Variants in MIER1 observed in about 807,000 individuals in gnomAD.
MIER1 encodes the protein MIER1 transcriptional regulator.
In MIER1, 40 loss-of-function variants were observed where a neutral mutation model predicts 75.7. The ratio of observed to expected loss-of-function variants is 0.53; its 90% CI spans 0.41 to 0.69. The LOEUF (loss-of-function observed/expected upper bound fraction) is 0.69, where lower values mean the gene tolerates loss of function less well. Among genes scored for constraint, MIER1 ranks in the 30% least tolerant of loss-of-function variants. MIER1 has a pLI of 0.00. For missense variants in MIER1, 574 were observed against 680.2 expected, an observed-to-expected ratio of 0.84 and a Z score of 1.74; for synonymous variants, 213 against 223.4, an observed-to-expected ratio of 0.95 and a Z score of 0.42.
intron 7 of MIER1, among the ~76,000 whole-genome samples, chr1:66,961,491 A>G (rs1178503073): frequency 1.3e-5 from 2 of 152,212 alleles, no homozygotes; most frequent in Non-Finnish European, 2.9e-5. Flanking sequence ...TCCCTGTACT[A>G]CCGAACAAAT....
At chr1:66,982,951 T>G (rs77171295) in intron 13 of MIER1, among the ~76,000 whole-genome samples, 2,453 of 152,350 alleles carry the variant, frequency 0.016, 70 homozygotes, top group African/African-American at 0.057. Flanking sequence ...ACTAACCGTA[T>G]AGGCTCAAGG....
At chr1:66,974,353 G>A (rs916848791) in intron 11 of MIER1, among the ~76,000 whole-genome samples, 4 of 151,922 alleles carry the variant, frequency 2.6e-5, no homozygotes, top group South Asian at 2.1e-4. Context: ...GTGACTGGCC[G>A]TGTATGTTTT....
chr1:66,963,056 C>G (rs918918602), intron 7 of MIER1, 32 bp from the exon 8 acceptor site: 1 of 1,415,262 alleles, frequency 7.1e-7, no homozygotes, highest in African/African-American at 1.4e-5. Context: ...GTTACTAGAT[C>G]TTACTAATGT....
intron 2 of MIER1, among the ~76,000 whole-genome samples, chr1:66,927,122 G>A (rs1269393959): frequency 6.6e-6 from 1 of 152,100 alleles, no homozygotes; most frequent in Non-Finnish European, 1.5e-5. Context: ...GCGCCTTATA[G>A]CCTCTATAGA....
chr1:66,926,687 TG>T (rs1651877830), intron 2 of MIER1, among the ~76,000 whole-genome samples: 1 of 152,152 alleles, frequency 6.6e-6, no homozygotes, highest in South Asian at 2.1e-4. Context: ...CATAAAGACA[TG>T]GTGTAGGCTG....
intron 12 of MIER1, among the ~76,000 whole-genome samples, chr1:66,977,131 T>C (rs886360341): frequency 2.6e-5 from 4 of 151,620 alleles, no homozygotes; most frequent in African/African-American, 7.3e-5. Context: ...TTTTTTGAGA[T>C]GTAGTCTCAA....
chr1:66,959,141 G>A (rs937692469), intron 6 of MIER1, among the ~76,000 whole-genome samples, 158 bp downstream of exon 6: 2 of 152,004 alleles, frequency 1.3e-5, no homozygotes, highest in Admixed American at 6.5e-5. Context: ...AGCAATGCAG[G>A]GTCCCTGTTG....
At chr1:66,960,430 T>G (rs1216062767) in intron 7 of MIER1, among the ~76,000 whole-genome samples, 1 of 152,184 alleles carries the variant, frequency 6.6e-6, no homozygotes, top group East Asian at 1.9e-4. Flanking sequence ...TATAAAATTA[T>G]ATAGCATATA....
chr1:66,973,860 A>G (rs1664172123), intron 11 of MIER1, among the ~76,000 whole-genome samples: 1 of 152,068 alleles, frequency 6.6e-6, no homozygotes, highest in South Asian at 2.1e-4. Context: ...GATAGCTTCT[A>G]AGTTTTGTGT....
intron 3 of MIER1, among the ~76,000 whole-genome samples, chr1:66,942,247 T>A (rs1656423172): frequency 6.6e-6 from 1 of 152,212 alleles, no homozygotes; most frequent in Non-Finnish European, 1.5e-5. Context: ...TTGTAGCATC[T>A]GTACTTTGCA....
chr1:66,987,615 A>T lies in MIER1; in HGVS notation c.*2715A>T, dbSNP rs1372620529. On this transcript the variant is annotated 3_prime_UTR_variant, in exon 14 of 14. Coordinates refer to ENST00000401041, the MANE Select transcript of MIER1 (RefSeq NM_001077700.3). The stretch of plus-strand genomic sequence containing the variant: ...CACTGTAAAATAATTCCCTTCTCCC[A>T]TTCCTTGTCTGCCATTCTGAATATG... 6.6e-6 allele frequency: 1 copy of T among 152,584 alleles called. No homozygotes were observed. The highest frequency in any genetic ancestry group is 1.5e-5 in the Non-Finnish European group (1 of 68,000). 9.5% of individuals were successfully genotyped at this position (152,584 alleles called of 1,614,324 possible).
At chr1:66,937,386 A>T (rs1332982379) in intron 2 of MIER1, among the ~76,000 whole-genome samples, 1 of 152,200 alleles carries the variant, frequency 6.6e-6, no homozygotes, top group African/African-American at 2.4e-5. Context: ...CAGGAGTTCG[A>T]GACCAGCCTG....
chr1:66,948,925 G>T (rs923228456), intron 4 of MIER1, among the ~76,000 whole-genome samples: 4 of 152,134 alleles, frequency 2.6e-5, no homozygotes, highest in Non-Finnish European at 5.9e-5. Flanking sequence ...ATTTTTCAGA[G>T]ACTGTGTGTC....
intron 12 of MIER1, among the ~76,000 whole-genome samples, chr1:66,978,026 A>G (rs12749413): frequency 1.6e-4 from 24 of 152,022 alleles, no homozygotes; most frequent in African/African-American, 5.5e-4. Flanking sequence ...GTGAAACCCC[A>G]TATCTACTAA....
At chr1:66,936,792 A>C (rs1654959736) in intron 2 of MIER1, among the ~76,000 whole-genome samples, 3 of 151,650 alleles carry the variant, frequency 2.0e-5, no homozygotes, top group African/African-American at 7.3e-5. Flanking sequence ...CGAGGTCAGG[A>C]GATCGAGACC....
Position 66,988,330 on chromosome 1 carries a change from C to A in MIER1, c.*3430C>A, listed in dbSNP as rs1410798302. On this transcript the variant is annotated 3_prime_UTR_variant, in exon 14 of 14. Coordinates refer to ENST00000401041, the MANE Select transcript of MIER1 (RefSeq NM_001077700.3). The stretch of plus-strand genomic sequence containing the variant: ...CAACTTTTTACCGTAAAAATTAACT[C>A]TCTTCTTTAATATCAAGTTCATCCT... The A allele has an allele frequency of 6.6e-6, 1 of 152,182 alleles. No individual in the cohort carries two copies. The highest frequency in any genetic ancestry group is 1.5e-5 in the Non-Finnish European group (1 of 67,926). 9.4% of individuals were successfully genotyped at this position (152,182 alleles called of 1,614,324 possible).
At chr1:66,958,341 T>G (rs892642745) in intron 5 of MIER1, 121 bp downstream of exon 5, 2 of 662,382 alleles carry the variant, frequency 3.0e-6, no homozygotes, top group African/African-American at 3.8e-5. Context: ...TGTTAAAAAT[T>G]AAGATATTAC....
Position 66,946,206 on chromosome 1 carries a change from CATGATTTTG to C in MIER1, c.256_264del (p.Phe86_Asp88del). ...TGATCCATCAGCTGACATGCTGGTT[CATGATTTTG>C]ATGATGAACGAACATTAGAAGAGGA... is the stretch of plus-strand genomic sequence containing the variant. On this transcript the variant is annotated inframe_deletion, in exon 4 of 14. Coordinates refer to ENST00000401041, the MANE Select transcript of MIER1 (RefSeq NM_001077700.3). 4 of 1,612,070 alleles carry C rather than the reference CATGATTTTG, an allele frequency of 2.5e-6. No homozygotes were observed. The highest frequency in any genetic ancestry group is 3.4e-6 in the Non-Finnish European group (4 of 1,179,500).
chr1:66,984,854 C>G lies in MIER1; in HGVS notation c.1652C>G (p.Ala551Gly), dbSNP rs773297690. Residue 551 changes from alanine to glycine, a missense_variant, in exon 14 of 14, where the codon GCA (alanine) becomes GGA (glycine). Ala to Gly is a moderately conservative substitution (Grantham distance 60, BLOSUM62 0). Coordinates refer to ENST00000401041, the MANE Select transcript of MIER1 (RefSeq NM_001077700.3). ...SPGSSEFFQE[A>G]VSHGKFEELE... Reference sequence around the variant, plus strand: ...GGTTCTTCTGAATTTTTCCAAGAAGCAGTCTCACATGGGAAATTTGAAGAA... The same window carrying G: ...GGTTCTTCTGAATTTTTCCAAGAAGGAGTCTCACATGGGAAATTTGAAGAA... The G allele has an allele frequency of 1.4e-5, 23 of 1,607,830 alleles. No individual in the cohort carries two copies. The highest frequency in any genetic ancestry group is 3.4e-5 in the Admixed American group (2 of 58,584).
Sources: allele counts gnomAD v4.1 joint callset (sites outside exome capture counted in the v4.1 genomes callset), GRCh38; gene constraint gnomAD v4.1.1; transcripts MANE v1.5; gene names NCBI Gene and HGNC (gene_info 2026-07-23, HGNC 2026-07-21).